Variants in WDFY2 observed in about 807,000 individuals in gnomAD.
WDFY2 encodes the protein WD repeat and FYVE domain containing 2.
In WDFY2, 36 loss-of-function variants were observed where a neutral mutation model predicts 56.4. That is an observed-to-expected ratio of 0.64 (90% CI 0.49 to 0.84). WDFY2 has a LOEUF of 0.84. Among genes scored for constraint, WDFY2 ranks in the 40% least tolerant of loss-of-function variants. The pLI, the probability that WDFY2 is intolerant of heterozygous loss-of-function variation, is 0.00. For missense variants in WDFY2, 444 were observed against 512.2 expected (o/e 0.87, Z 1.29); for synonymous variants, 176 against 183.7 (o/e 0.96, Z 0.34).
chr13:51,625,455 A>G (rs183863174), intron 1 of WDFY2, among the ~76,000 whole-genome samples: 1 of 152,330 alleles, frequency 6.6e-6, no homozygotes, highest in Non-Finnish European at 1.5e-5. Context: ...TTTAGCCTTA[A>G]CTAGTAATAA....
Position 51,761,624 on chromosome 13 carries a change from A to G in WDFY2, c.*1855A>G, listed in dbSNP as rs1953585055. The G allele has an allele frequency of 6.6e-6, 1 of 152,180 alleles. No individual in the cohort carries two copies. The highest frequency in any genetic ancestry group is 2.4e-5 in the African/African-American group (1 of 41,444). The allele number at this position is 152,180 out of a possible 1,614,324, so 9.4% of individuals were successfully genotyped here. ...CCTATTATTTTCCCTCTTTTCCTGG[A>G]AAGCCGTTTTTTGCCCTCACAATCA... is the stretch of plus-strand genomic sequence containing the variant. On this transcript the variant is annotated 3_prime_UTR_variant, in exon 12 of 12. Coordinates refer to ENST00000298125, the MANE Select transcript of WDFY2 (RefSeq NM_052950.4).
intron 7 of WDFY2, among the ~76,000 whole-genome samples, chr13:51,741,111 G>A (rs537645148): frequency 6.6e-6 from 1 of 152,310 alleles, no homozygotes; most frequent in South Asian, 2.1e-4. Context: ...TTAACAAATA[G>A]CTCTTCCAGT....
At chr13:51,669,801 A>C (rs745589250) in intron 2 of WDFY2, among the ~76,000 whole-genome samples, 2 of 152,246 alleles carry the variant, frequency 1.3e-5, no homozygotes, top group Admixed American at 6.5e-5. Context: ...AAGTCTTGGC[A>C]AATGGCATCA....
At chr13:51,701,669 A>G (rs541356710) in intron 3 of WDFY2, among the ~76,000 whole-genome samples, 3 of 152,274 alleles carry the variant, frequency 2.0e-5, no homozygotes, top group East Asian at 3.9e-4. Context: ...TTTAATGTAT[A>G]TATTAAATCC....
rs1018813548 is a variant in WDFY2, at chr13:51,767,544, C to G, written c.*7775C>G. ...TGTATGTAGATGTATTCTAAATCTG[C>G]TCATTGGTTTTATTACAACTTTTCC... On this transcript the variant is annotated 3_prime_UTR_variant, in exon 12 of 12. Transcript: ENST00000298125. 1.3e-5 allele frequency: 2 copies of G among 152,628 alleles called. No homozygotes were observed. The highest frequency in any genetic ancestry group is 4.8e-5 in the African/African-American group (2 of 41,382). The allele number at this position is 152,628 out of a possible 1,614,324, so 9.5% of individuals were successfully genotyped here.
At chr13:51,652,525 C>T (rs993797640) in intron 1 of WDFY2, among the ~76,000 whole-genome samples, 1 of 151,964 alleles carries the variant, frequency 6.6e-6, no homozygotes, top group Non-Finnish European at 1.5e-5. Flanking sequence ...TTTGGCATGT[C>T]TTTGCAGTGG....
At chr13:51,681,721 G>C (rs989056639) in intron 3 of WDFY2, among the ~76,000 whole-genome samples, 1 of 152,080 alleles carries the variant, frequency 6.6e-6, no homozygotes, top group African/African-American at 2.4e-5. Flanking sequence ...TAATACTATA[G>C]GTGTGGAGCT....
intron 1 of WDFY2, among the ~76,000 whole-genome samples, chr13:51,595,940 A>C (rs1301190850): frequency 6.6e-6 from 1 of 151,894 alleles, no homozygotes. Context: ...CCTGGATTTG[A>C]CTCTTTGCTC....
At chr13:51,664,369 C>CTA (rs1473651618) in intron 2 of WDFY2, among the ~76,000 whole-genome samples, 1 of 152,198 alleles carries the variant, frequency 6.6e-6, no homozygotes, top group Non-Finnish European at 1.5e-5. Flanking sequence ...GGCAGAAATG[C>CTA]TAGTCTCAGC....
At chr13:51,648,106 G>A (rs1294822881) in intron 1 of WDFY2, among the ~76,000 whole-genome samples, 1 of 152,214 alleles carries the variant, frequency 6.6e-6, no homozygotes, top group Non-Finnish European at 1.5e-5. Flanking sequence ...GGTTAAGGTT[G>A]TAACTGAGGC....
rs1008453505 is a variant in WDFY2 at position 51,764,510 on chromosome 13, T to C, written c.*4741T>C. The C allele has an allele frequency of 6.5e-6, 1 of 152,908 alleles. No homozygotes were observed. Among genetic ancestry groups the C allele is most frequent in the African/African-American group, 2.4e-5 (1 of 41,456 alleles). The allele number at this position is 152,908 out of a possible 1,614,324, so 9.5% of individuals were successfully genotyped here. ...GTGTGTCCAGGGATCACAAGTGGGCTGGAGCTGCCGGAGAACAGCCAAGTG... is the reference window on the plus strand; with the variant it reads ...GTGTGTCCAGGGATCACAAGTGGGCCGGAGCTGCCGGAGAACAGCCAAGTG... On this transcript the variant is annotated 3_prime_UTR_variant, in exon 12 of 12. Transcript: ENST00000298125.
intron 4 of WDFY2, among the ~76,000 whole-genome samples, chr13:51,718,657 G>C (rs184852411): frequency 2.6e-4 from 39 of 151,348 alleles, no homozygotes; most frequent in African/African-American, 7.0e-4. Context: ...GAATAATTCT[G>C]TCCTCCTTTC....
intron 1 of WDFY2, among the ~76,000 whole-genome samples, chr13:51,620,964 G>A (rs1489182776): frequency 6.6e-6 from 1 of 152,120 alleles, no homozygotes; most frequent in Non-Finnish European, 1.5e-5. Context: ...TGTCAGAATA[G>A]TACTGCCTGC....
chr13:51,732,170 G>C (rs528069902), intron 6 of WDFY2, among the ~76,000 whole-genome samples: 2 of 151,922 alleles, frequency 1.3e-5, no homozygotes, highest in African/African-American at 2.4e-5. Context: ...TCGCTCTGTC[G>C]TCCAGGCTGG....
At chr13:51,638,836 G>A (rs1955101136) in intron 1 of WDFY2, among the ~76,000 whole-genome samples, 2 of 152,176 alleles carry the variant, frequency 1.3e-5, no homozygotes, top group Admixed American at 1.3e-4. Context: ...GGCCTTTGGC[G>A]AAGGGACTAT....
intron 1 of WDFY2, among the ~76,000 whole-genome samples, chr13:51,617,697 C>A (rs1954645286): frequency 6.6e-6 from 1 of 152,162 alleles, no homozygotes; most frequent in South Asian, 2.1e-4. Context: ...CATCTGCAAT[C>A]CAGGAGGAGG....
chr13:51,636,110 A>G (rs1316208159), intron 1 of WDFY2, among the ~76,000 whole-genome samples: 5 of 152,146 alleles, frequency 3.3e-5, no homozygotes, highest in Admixed American at 3.3e-4. Context: ...AACCCCAACA[A>G]TCGTCCATTA....
chr13:51,712,886 A>T (rs957658815), intron 4 of WDFY2, among the ~76,000 whole-genome samples: 2 of 152,184 alleles, frequency 1.3e-5, no homozygotes, highest in South Asian at 4.1e-4. Flanking sequence ...AAATTTTAAA[A>T]ATCTTTGAAA....
At chr13:51,676,701 A>G (rs1395083356) in intron 3 of WDFY2, among the ~76,000 whole-genome samples, 3 of 152,226 alleles carry the variant, frequency 2.0e-5, no homozygotes, top group African/African-American at 4.8e-5. Flanking sequence ...GTAATATCCA[A>G]TACATTTGGT....
Sources: gnomAD v4.1 joint callset for allele counts (sites outside exome capture counted in the v4.1 genomes callset) on GRCh38, gnomAD v4.1.1 for gene constraint, MANE v1.5 for transcripts, NCBI Gene and HGNC (gene_info 2026-07-23, HGNC 2026-07-21) for gene names.